The following ATP1B3 variants were observed in gnomAD, a reference collection of about 807,000 sequenced individuals.
The protein encoded by ATP1B3 is sodium/potassium-transporting ATPase subunit beta-3.
ATP1B3 carries 10 observed loss-of-function variants against 30.2 expected under a neutral mutation model. That is an observed-to-expected ratio of 0.33 (90% CI 0.20 to 0.56). The LOEUF (loss-of-function observed/expected upper bound fraction) is 0.56, where lower values mean the gene tolerates loss of function less well. Ranked by LOEUF, ATP1B3 falls within the 20% of genes least tolerant of loss-of-function variation. The pLI, the probability that ATP1B3 is intolerant of heterozygous loss-of-function variation, is 0.90. For synonymous variants in ATP1B3, 113 were observed against 117.0 expected, an observed-to-expected ratio of 0.97 and a Z score of 0.22; for missense variants, 238 against 336.7, an observed-to-expected ratio of 0.71 and a Z score of 2.29.
At chr3:141,915,532 G>A (rs1326537245) in intron 4 of ATP1B3, among the ~76,000 whole-genome samples, 2 of 152,110 alleles carry the variant, frequency 1.3e-5, no homozygotes, top group African/African-American at 2.4e-5. Context: ...ATACAGTGAG[G>A]CTCAGTGGGG....
intron 1 of ATP1B3, among the ~76,000 whole-genome samples, chr3:141,878,691 G>A (rs770222311): frequency 6.6e-5 from 10 of 152,214 alleles, no homozygotes; most frequent in Non-Finnish European, 1.3e-4. Context: ...TGTAAAACTA[G>A]TACAAGTGAA....
At chr3:141,888,186 T>C (rs1193675342) in intron 1 of ATP1B3, among the ~76,000 whole-genome samples, 1 of 152,220 alleles carries the variant, frequency 6.6e-6, no homozygotes, top group African/African-American at 2.4e-5. Flanking sequence ...GGGTGTTCAC[T>C]TTTAGGTTTC....
At chr3:141,925,243 G>T (rs895356426) in intron 6 of ATP1B3, among the ~76,000 whole-genome samples, 1 of 152,130 alleles carries the variant, frequency 6.6e-6, no homozygotes, top group African/African-American at 2.4e-5. Context: ...GAGGTGGAAG[G>T]GCCATTTGAA....
chr3:141,895,121 T>G (rs991523840), intron 1 of ATP1B3, among the ~76,000 whole-genome samples: 1 of 151,892 alleles, frequency 6.6e-6, no homozygotes, highest in African/African-American at 2.4e-5. Flanking sequence ...TATGTTTTTT[T>G]TGGGGGGAGG....
chr3:141,914,018 CA>C (rs3214585), intron 4 of ATP1B3, among the ~76,000 whole-genome samples, 182 bp downstream of exon 4: 2 of 150,870 alleles, frequency 1.3e-5, no homozygotes, highest in Non-Finnish European at 3.0e-5. Flanking sequence ...GTTTATATGG[CA>C]AAAAAAAGAG....
chr3:141,879,460 G>A lies in ATP1B3; in HGVS notation c.109+2550G>A, dbSNP rs113601811. ...CAGCACTGAGGCTATTTTTACCTGT[G>A]TTATCTCTTTTAAAACCTTACATTT... On this transcript the variant is annotated intron_variant, in intron 1 of 6. Transcript: ENST00000286371. 6.8e-3 allele frequency among the ~76,000 whole-genome samples: 1,040 copies of A among 152,074 alleles called. 11 individuals are homozygous for A. The highest frequency in any genetic ancestry group is 0.024 in the African/African-American group (982 of 41,462).
intron 3 of ATP1B3, among the ~76,000 whole-genome samples, chr3:141,911,380 A>AG: frequency 6.6e-6 from 1 of 152,260 alleles, no homozygotes; most frequent in Admixed American, 6.5e-5. Context: ...TGGTTAAAAA[A>AG]TAATGTCTTC....
chr3:141,890,086 CTTTTTTTT>C (rs1245235657), intron 1 of ATP1B3, among the ~76,000 whole-genome samples: 2 of 107,550 alleles, frequency 1.9e-5, no homozygotes, highest in Non-Finnish European at 3.6e-5. Context: ...AATTTTTTTT[CTTTTTTTT>C]TTTTTTTTTT....
chr3:141,923,192 C>T (rs527872899), intron 6 of ATP1B3, among the ~76,000 whole-genome samples: 23 of 150,798 alleles, frequency 1.5e-4, no homozygotes, highest in Non-Finnish European at 2.9e-4. Flanking sequence ...GCAGGAGAAT[C>T]GCTTCAACCT....
At chr3:141,883,802 C>A (rs1191603157) in intron 1 of ATP1B3, among the ~76,000 whole-genome samples, 1 of 152,106 alleles carries the variant, frequency 6.6e-6, no homozygotes, top group Non-Finnish European at 1.5e-5. Flanking sequence ...GTATAATTGT[C>A]CCCTCAATTT....
chr3:141,887,575 A>G (rs1291135920), intron 1 of ATP1B3, among the ~76,000 whole-genome samples: 2 of 152,220 alleles, frequency 1.3e-5, no homozygotes, highest in African/African-American at 2.4e-5. Context: ...ATCCAAGAGA[A>G]ATGAAAACAT....
At chr3:141,889,553 A>G (rs1195709205) in intron 1 of ATP1B3, among the ~76,000 whole-genome samples, 1 of 151,534 alleles carries the variant, frequency 6.6e-6, no homozygotes, top group Non-Finnish European at 1.5e-5. Context: ...ACATGGTGAA[A>G]CCCCATCTCT....
intron 2 of ATP1B3, among the ~76,000 whole-genome samples, chr3:141,904,701 G>GTTTTT (rs1576396012): frequency 8.4e-5 from 9 of 107,364 alleles, no homozygotes; most frequent in East Asian, 3.0e-4. Context: ...TTTTTAAACA[G>GTTTTT]TCTTTTTTTT....
chr3:141,903,779 T>G lies in ATP1B3; in HGVS notation c.238+31T>G. 4 of 1,600,462 alleles carry G rather than the reference T, an allele frequency of 2.5e-6. No individual in the cohort carries two copies. The Middle Eastern group carries it at 6.7e-4, about 268-fold the overall frequency. On this transcript the variant is annotated intron_variant, in intron 2 of 6. Coordinates refer to ENST00000286371, the MANE Select transcript of ATP1B3 (RefSeq NM_001679.4). ...TATCTTGCAGTTATGACTTTGTTTT[T>G]TGTTTTTTGTTTTTTTTTTGAGACA...
At chr3:141,886,797 A>G (rs1004076343) in intron 1 of ATP1B3, among the ~76,000 whole-genome samples, 3 of 152,212 alleles carry the variant, frequency 2.0e-5, no homozygotes, top group Non-Finnish European at 4.4e-5. Context: ...CAGGAATTCA[A>G]TACCAGCCTC....
chr3:141,897,694 A>G (rs1934093381), intron 1 of ATP1B3, among the ~76,000 whole-genome samples: 1 of 152,114 alleles, frequency 6.6e-6, no homozygotes, highest in African/African-American at 2.4e-5. Context: ...GTACATGTTC[A>G]TCGGGTTTTT....
chr3:141,918,520 C>T (rs1934508412), intron 5 of ATP1B3, among the ~76,000 whole-genome samples: 1 of 151,646 alleles, frequency 6.6e-6, no homozygotes, highest in East Asian at 1.9e-4. Flanking sequence ...TCTCAGCTCA[C>T]CTTTGCCTCC....
At position 141,889,528 on chromosome 3, in the gene ATP1B3, A is replaced by G. The variant is rs141635002; in HGVS notation, c.109+12618A>G. On this transcript the variant is annotated intron_variant, in intron 1 of 6. Transcript: ENST00000286371. Reference sequence around the variant, plus strand: ...GCGGATCACCTGAGGTCAGGAGTTCAAGACCGCCTGGCCAACATGGTGAAA... The same window carrying G: ...GCGGATCACCTGAGGTCAGGAGTTCGAGACCGCCTGGCCAACATGGTGAAA... 6.8e-3 allele frequency among the ~76,000 whole-genome samples: 1,030 copies of G among 151,808 alleles called. 10 individuals carry two copies. The highest frequency in any genetic ancestry group is 0.024 in the African/African-American group (972 of 41,352).
chr3:141,914,452 C>T (rs907415720), intron 4 of ATP1B3, among the ~76,000 whole-genome samples: 8 of 152,176 alleles, frequency 5.3e-5, no homozygotes, highest in Non-Finnish European at 1.0e-4. Flanking sequence ...CTAATGTTCT[C>T]TGTGTGACAG....
Sources: allele counts gnomAD v4.1 joint callset (sites outside exome capture counted in the v4.1 genomes callset), GRCh38; gene constraint gnomAD v4.1.1; transcripts MANE v1.5; gene names NCBI Gene and HGNC (gene_info 2026-07-23, HGNC 2026-07-21).